CADM2: variants seen among roughly 807,000 people sequenced by gnomAD.
The protein encoded by CADM2 is cell adhesion molecule 2.
In CADM2, 12 loss-of-function variants were observed where a neutral mutation model predicts 49.8. The ratio of observed to expected loss-of-function variants is 0.24; its 90% CI spans 0.15 to 0.39. The LOEUF (loss-of-function observed/expected upper bound fraction) is 0.39. Among genes scored for constraint, CADM2 ranks in the 10% least tolerant of loss-of-function variants. CADM2 has a pLI of 1.00. For missense variants in CADM2, 378 were observed against 492.3 expected, an observed-to-expected ratio of 0.77 and a Z score of 2.20; for synonymous variants, 214 against 175.4, an observed-to-expected ratio of 1.22 and a Z score of -1.74.
chr3:85,261,877 C>A (rs1302028051), intron 1 of CADM2, among the ~76,000 whole-genome samples: 3 of 152,074 alleles, frequency 2.0e-5, no homozygotes, highest in Admixed American at 6.6e-5. Context: ...ATCATGAAAT[C>A]TGTATTTCCA....
intron 1 of CADM2, among the ~76,000 whole-genome samples, chr3:85,120,925 T>C (rs1411586236): frequency 6.6e-6 from 1 of 152,224 alleles, no homozygotes; most frequent in Non-Finnish European, 1.5e-5. Flanking sequence ...CAGGGAATTC[T>C]AGTGAAACAC....
chr3:85,949,194 T>A (rs1723097751), intron 7 of CADM2, among the ~76,000 whole-genome samples: 1 of 151,302 alleles, frequency 6.6e-6, no homozygotes, highest in Non-Finnish European at 1.5e-5. Flanking sequence ...TCAATTTATA[T>A]GACTTTTTTT....
At chr3:85,703,663 T>C (rs2066851778) in intron 1 of CADM2, among the ~76,000 whole-genome samples, 1 of 152,150 alleles carries the variant, frequency 6.6e-6, no homozygotes, top group African/African-American at 2.4e-5. Flanking sequence ...TAAAACCTAG[T>C]TACCAGGTTC....
chr3:86,070,251 A>G lies in CADM2; in HGVS notation c.*3468A>G, dbSNP rs976163347. 1 of 151,964 alleles carries G rather than the reference A, an allele frequency of 6.6e-6. No homozygotes were observed. Among genetic ancestry groups the G allele is most frequent in the East Asian group, 1.9e-4 (1 of 5,188 alleles). 9.4% of individuals were successfully genotyped at this position (151,964 alleles called of 1,614,324 possible). A position where few individuals can be genotyped will look rare whatever the true frequency, so the allele number is the denominator to read the frequency against. ...TTCTTTGTAAAAATATAAATATCTC[A>G]ATCAAAAGTACAGGCTCATTTGTAA... On this transcript the variant is annotated 3_prime_UTR_variant, in exon 10 of 10. Coordinates refer to ENST00000383699, the MANE Select transcript of CADM2 (RefSeq NM_001167675.2).
intron 1 of CADM2, among the ~76,000 whole-genome samples, chr3:85,067,852 A>G (rs2036580798): frequency 6.6e-6 from 1 of 152,158 alleles, no homozygotes; most frequent in Non-Finnish European, 1.5e-5. Flanking sequence ...ACAAAGGGAG[A>G]AGTGAATAAA....
At chr3:85,660,561 C>T (rs1161532718) in intron 1 of CADM2, among the ~76,000 whole-genome samples, 3 of 151,706 alleles carry the variant, frequency 2.0e-5, no homozygotes, top group Non-Finnish European at 4.4e-5. Flanking sequence ...ATGTGTCGTA[C>T]ACTGAATGGA....
At chr3:85,186,087 T>C (rs933396110) in intron 1 of CADM2, among the ~76,000 whole-genome samples, 1 of 152,202 alleles carries the variant, frequency 6.6e-6, no homozygotes. Context: ...CAGGAGACTG[T>C]AGTTGCTGGA....
rs889128996 is a variant in CADM2 at position 85,569,708 on chromosome 3, A to G, written c.62-156814A>G. On this transcript the variant is annotated intron_variant, in intron 1 of 9. Transcript: ENST00000383699. ...GAGGAACCTTTCTAATGGCAAAAAA[A>G]AAAAAAGAAAAAAAAAAGAAAATAG... Among the ~76,000 whole-genome samples the G allele has an allele frequency of 3.0e-5, 4 of 133,400 alleles. No homozygotes were observed. The Admixed American group carries it at 3.1e-4, about 10-fold the overall frequency. The allele number at this position is 133,400 out of a possible 152,430, so 87.5% of individuals were successfully genotyped here.
intron 1 of CADM2, among the ~76,000 whole-genome samples, chr3:85,707,070 G>T (rs1441747616): frequency 6.6e-6 from 1 of 152,082 alleles, no homozygotes; most frequent in Non-Finnish European, 1.5e-5. Context: ...GGGCTCAAGA[G>T]ATCTTTCTGC....
At position 86,069,089 on chromosome 3, in the gene CADM2, A is replaced by G. The variant is rs1739618941; in HGVS notation, c.*2306A>G. On this transcript the variant is annotated 3_prime_UTR_variant, in exon 10 of 10. Coordinates refer to ENST00000383699, the MANE Select transcript of CADM2 (RefSeq NM_001167675.2). ...ATCATCAATTACTATGTAAAGCCTA[A>G]TTTCAGGATGCACTTACAAAATTGC... 1 of 151,960 alleles carries G rather than the reference A, an allele frequency of 6.6e-6. No homozygotes were observed. Among genetic ancestry groups the G allele is most frequent in the South Asian group, 2.1e-4 (1 of 4,834 alleles). The allele number at this position is 151,960 out of a possible 1,614,324, so 9.4% of individuals were successfully genotyped here.
chr3:85,652,429 C>A (rs987741286), intron 1 of CADM2, among the ~76,000 whole-genome samples: 1 of 152,130 alleles, frequency 6.6e-6, no homozygotes, highest in African/African-American at 2.4e-5. Flanking sequence ...CTATAATTCA[C>A]AGTATCAGAC....
intron 6 of CADM2, among the ~76,000 whole-genome samples, chr3:85,926,148 AT>A (rs1719826178): frequency 1.1e-5 from 1 of 89,322 alleles, no homozygotes; most frequent in African/African-American, 6.5e-5. Flanking sequence ...AAATAAATAA[AT>A]AAATAAATAA....
intron 8 of CADM2, among the ~76,000 whole-genome samples, chr3:86,033,703 TTATATA>T (rs58168936): frequency 2.1e-5 from 3 of 142,764 alleles, no homozygotes; most frequent in African/African-American, 7.6e-5. Context: ...GTTATTTGTT[TTATATA>T]TATATATATA....
At chr3:85,439,063 T>C (rs962602437) in intron 1 of CADM2, among the ~76,000 whole-genome samples, 6 of 151,862 alleles carry the variant, frequency 4.0e-5, no homozygotes, top group Non-Finnish European at 8.8e-5. Flanking sequence ...TAGATAATTA[T>C]CATGTAACTG....
intron 1 of CADM2, among the ~76,000 whole-genome samples, chr3:85,191,214 C>A (rs182801003): frequency 1.1e-4 from 17 of 152,054 alleles, no homozygotes; most frequent in Admixed American, 7.2e-4. Context: ...TTAAATATAA[C>A]TGAATTCAAA....
intron 2 of CADM2, among the ~76,000 whole-genome samples, chr3:85,783,829 C>T (rs995689887): frequency 6.6e-5 from 10 of 152,098 alleles, no homozygotes; most frequent in African/African-American, 1.4e-4. Context: ...ATATTTGACC[C>T]TCAAACTTGA....
intron 1 of CADM2, among the ~76,000 whole-genome samples, chr3:85,285,957 T>C (rs1262422767): frequency 6.6e-6 from 1 of 152,102 alleles, no homozygotes; most frequent in Non-Finnish European, 1.5e-5. Context: ...AAAATGGAAA[T>C]GTTGTACTTT....
intron 1 of CADM2, among the ~76,000 whole-genome samples, chr3:85,642,398 AAAT>A: frequency 6.6e-6 from 1 of 152,336 alleles, no homozygotes; most frequent in East Asian, 1.9e-4. Context: ...TTTATGGAGA[AAAT>A]AATACAATGA....
chr3:85,654,410 A>G (rs2065138706), intron 1 of CADM2, among the ~76,000 whole-genome samples: 1 of 152,198 alleles, frequency 6.6e-6, no homozygotes, highest in South Asian at 2.1e-4. Context: ...CATTTATGCC[A>G]CCATTTTAAC....
Sources: allele counts gnomAD v4.1 joint callset (sites outside exome capture counted in the v4.1 genomes callset), GRCh38; gene constraint gnomAD v4.1.1; transcripts MANE v1.5; gene names NCBI Gene and HGNC (gene_info 2026-07-23, HGNC 2026-07-21).